The following KLHL32 variants were observed in gnomAD, a reference collection of about 807,000 sequenced individuals.
KLHL32 encodes the protein kelch-like protein 32.
A neutral mutation model predicts 64.8 loss-of-function variants in KLHL32; 35 were observed. The observed-to-expected ratio is 0.54, with a 90% CI of 0.41 to 0.72. The LOEUF (loss-of-function observed/expected upper bound fraction) is 0.72. Among genes scored for constraint, KLHL32 ranks in the 30% least tolerant of loss-of-function variants. The probability of loss-of-function intolerance (pLI) is 0.00; values close to 1 mark genes in which losing one functional copy is unlikely to be tolerated. For synonymous variants in KLHL32, 259 were observed against 281.0 expected (o/e 0.92, Z 0.78); for missense variants, 589 against 768.5 (o/e 0.77, Z 2.76).
chr6:96,927,505 C>T (rs73758064), intron 1 of KLHL32, among the ~76,000 whole-genome samples: 5,134 of 152,038 alleles, frequency 0.034, 310 homozygotes, highest in African/African-American at 0.12. Flanking sequence ...GCCATTTTCT[C>T]GTGTTTCTCC....
intron 6 of KLHL32, among the ~76,000 whole-genome samples, chr6:97,092,461 AC>A (rs1794403007): frequency 2.0e-5 from 3 of 152,124 alleles, no homozygotes; most frequent in African/African-American, 7.2e-5. Context: ...TCTTTCTGAA[AC>A]TTTTTATAGT....
chr6:97,035,621 T>A (rs533645214), intron 3 of KLHL32, among the ~76,000 whole-genome samples: 1 of 152,236 alleles, frequency 6.6e-6, no homozygotes, highest in Non-Finnish European at 1.5e-5. Context: ...ACTTGGCAGT[T>A]TTTTTCTTTC....
At chr6:97,011,755 T>C (rs1438046720) in intron 3 of KLHL32, among the ~76,000 whole-genome samples, 1 of 152,198 alleles carries the variant, frequency 6.6e-6, no homozygotes, top group Non-Finnish European at 1.5e-5. Flanking sequence ...GAAAAGGATA[T>C]TAATGATGCA....
At chr6:96,966,234 C>T (rs1159120123) in intron 1 of KLHL32, among the ~76,000 whole-genome samples, 1 of 152,172 alleles carries the variant, frequency 6.6e-6, no homozygotes, top group Non-Finnish European at 1.5e-5. Flanking sequence ...GAGCTAGACC[C>T]TCTACTGAGG....
chr6:96,950,230 T>TAA (rs35692509), intron 1 of KLHL32, among the ~76,000 whole-genome samples: 55 of 146,892 alleles, frequency 3.7e-4, no homozygotes, highest in Non-Finnish European at 6.0e-4. Flanking sequence ...ACATTTGTGT[T>TAA]AAAAAAAAAA....
At chr6:97,021,070 A>AT (rs1781921473) in intron 3 of KLHL32, among the ~76,000 whole-genome samples, 2 of 151,012 alleles carry the variant, frequency 1.3e-5, no homozygotes, top group Non-Finnish European at 2.9e-5. Flanking sequence ...AGAAAAAAAG[A>AT]TTTATTATAA....
intron 4 of KLHL32, among the ~76,000 whole-genome samples, chr6:97,053,821 TTTTA>T (rs1174892213): frequency 6.6e-6 from 1 of 152,012 alleles, no homozygotes; most frequent in African/African-American, 2.4e-5. Context: ...TACTATGCAT[TTTTA>T]TTTATATACT....
chr6:96,927,931 T>G (rs1769363392), intron 1 of KLHL32, among the ~76,000 whole-genome samples: 1 of 152,218 alleles, frequency 6.6e-6, no homozygotes, highest in Non-Finnish European at 1.5e-5. Flanking sequence ...AATGACTCTA[T>G]AAAGTGGGCA....
the KLHL32 span, among the ~76,000 whole-genome samples, chr6:96,903,472 T>C: frequency 1.3e-5 from 2 of 152,188 alleles, no homozygotes; most frequent in Non-Finnish European, 2.9e-5. Context: ...TGAGGGATTC[T>C]CCTGTTGGCT....
At chr6:97,106,156 A>G (rs1420816362) in intron 6 of KLHL32, among the ~76,000 whole-genome samples, 1 of 152,220 alleles carries the variant, frequency 6.6e-6, no homozygotes, top group African/African-American at 2.4e-5. Context: ...TGAACAATAA[A>G]GGAATTAGAA....
chr6:96,982,561 T>C (rs1470892073), intron 3 of KLHL32, among the ~76,000 whole-genome samples: 1 of 152,160 alleles, frequency 6.6e-6, no homozygotes, highest in African/African-American at 2.4e-5. Flanking sequence ...AGGTTAATAT[T>C]GACATGTGTG....
At chr6:96,953,798 C>G (rs1772925744) in intron 1 of KLHL32, among the ~76,000 whole-genome samples, 1 of 150,384 alleles carries the variant, frequency 6.6e-6, no homozygotes, top group East Asian at 1.9e-4. Flanking sequence ...TTTATATAAT[C>G]AAACCATGAT....
chr6:96,937,240 C>A (rs1362367578), intron 1 of KLHL32, among the ~76,000 whole-genome samples: 1 of 152,196 alleles, frequency 6.6e-6, no homozygotes, highest in African/African-American at 2.4e-5. Context: ...TCGCCACCCC[C>A]TCTCCATCAT....
intron 5 of KLHL32, among the ~76,000 whole-genome samples, chr6:97,075,726 G>A (rs982948288): frequency 6.6e-6 from 1 of 152,108 alleles, no homozygotes; most frequent in Non-Finnish European, 1.5e-5. Context: ...ACCAGGTTAG[G>A]TAGTCACATA....
intron 3 of KLHL32, among the ~76,000 whole-genome samples, chr6:96,977,926 A>C (rs1775889381): frequency 6.6e-6 from 1 of 152,190 alleles, no homozygotes; most frequent in Admixed American, 6.5e-5. Context: ...TAGTTCCATT[A>C]ATATAATTAT....
In KLHL32 at chr6:97,073,216, T is replaced by C. The variant is rs111674476; in HGVS notation, c.411+8490T>C. Among the ~76,000 whole-genome samples, 1,347 of 152,300 alleles carry C rather than the reference T, an allele frequency of 8.8e-3. 21 individuals are homozygous for C. Among genetic ancestry groups the C allele is most frequent in the African/African-American group, 0.03 (1,231 of 41,546 alleles). Reference sequence around the variant, plus strand: ...CTGCCTACTTCAAATTGACAACCTATTGGACAAATCTGTTCCTGAAATTTT... The same window carrying C: ...CTGCCTACTTCAAATTGACAACCTACTGGACAAATCTGTTCCTGAAATTTT... On this transcript the variant is annotated intron_variant, in intron 5 of 10. Transcript: ENST00000369261.
intron 1 of KLHL32, among the ~76,000 whole-genome samples, chr6:96,946,281 T>C (rs1771908412): frequency 6.6e-6 from 1 of 152,210 alleles, no homozygotes; most frequent in South Asian, 2.1e-4. Flanking sequence ...TAAAAGAATT[T>C]TTTAACGTGA....
chr6:96,994,520 C>T (rs1778218025), intron 3 of KLHL32: 1 of 985,040 alleles, frequency 1.0e-6, no homozygotes, highest in African/African-American at 1.7e-5. Flanking sequence ...TATTTTGAAG[C>T]TCAAGTAATT....
intron 5 of KLHL32, among the ~76,000 whole-genome samples, chr6:97,072,161 C>T (rs1376518718): frequency 6.6e-6 from 1 of 152,130 alleles, no homozygotes; most frequent in African/African-American, 2.4e-5. Context: ...TCTCCTTGAG[C>T]CCCACATACA....
Sources: allele counts gnomAD v4.1 joint callset (sites outside exome capture counted in the v4.1 genomes callset), GRCh38; gene constraint gnomAD v4.1.1; transcripts MANE v1.5; gene names NCBI Gene and HGNC (gene_info 2026-07-23, HGNC 2026-07-21).